TSHZ2: variants seen among roughly 807,000 people sequenced by gnomAD.
The protein encoded by TSHZ2 is teashirt zinc finger homeobox 2.
Under a neutral mutation model 74.4 loss-of-function variants are expected in TSHZ2, and 21 were observed. The observed-to-expected ratio is 0.28, with a 90% CI of 0.20 to 0.41. The LOEUF (loss-of-function observed/expected upper bound fraction) is 0.41. TSHZ2 is among the 10% of genes least tolerant of loss of function. TSHZ2 has a pLI of 1.00. For missense variants in TSHZ2, 1,244 were observed against 1,293.5 expected (o/e 0.96, Z 0.59); for synonymous variants, 540 against 515.3 (o/e 1.05, Z -0.65).
At chr20:53,156,855 A>AG (rs1293407278) in intron 1 of TSHZ2, among the ~76,000 whole-genome samples, 10 of 152,208 alleles carry the variant, frequency 6.6e-5, no homozygotes, top group African/African-American at 2.2e-4. Flanking sequence ...TTCTGTAGGT[A>AG]GGGGGAAATA....
At chr20:53,481,040 T>C (rs1239635759) in intron 2 of TSHZ2, among the ~76,000 whole-genome samples, 1 of 86,060 alleles carries the variant, frequency 1.2e-5, no homozygotes, top group Non-Finnish European at 2.3e-5. Flanking sequence ...GCTCAATATA[T>C]TAGAAAAAAA....
At chr20:53,032,197 A>G (rs934850956) in intron 1 of TSHZ2, among the ~76,000 whole-genome samples, 2 of 152,216 alleles carry the variant, frequency 1.3e-5, no homozygotes, top group African/African-American at 4.8e-5. Flanking sequence ...TCAGATCCAG[A>G]ACAACATTGC....
intron 1 of TSHZ2, among the ~76,000 whole-genome samples, chr20:53,225,624 A>G (rs1041657602): frequency 1.3e-5 from 2 of 152,230 alleles, no homozygotes; most frequent in African/African-American, 2.4e-5. Flanking sequence ...CAACTCCGCT[A>G]TGGCAACTAT....
At chr20:53,212,713 G>A (rs1010458609) in intron 1 of TSHZ2, among the ~76,000 whole-genome samples, 3 of 152,110 alleles carry the variant, frequency 2.0e-5, no homozygotes, top group African/African-American at 4.8e-5. Flanking sequence ...CCTCTGTGCC[G>A]GCTTCATTTA....
At chr20:53,051,453 G>GCGCACACACACA (rs1423362488) in intron 1 of TSHZ2, among the ~76,000 whole-genome samples, 4 of 103,064 alleles carry the variant, frequency 3.9e-5, no homozygotes, top group Non-Finnish European at 1.9e-5. Flanking sequence ...ACTCTGTGGC[G>GCGCACACACACA]CACGCACACA....
At chr20:53,138,690 G>A (rs569223308) in intron 1 of TSHZ2, among the ~76,000 whole-genome samples, 4 of 152,076 alleles carry the variant, frequency 2.6e-5, no homozygotes, top group East Asian at 3.9e-4. Flanking sequence ...GCCAAACTTT[G>A]AGAACCCTTC....
chr20:53,302,558 G>T (rs1474035806), intron 2 of TSHZ2, among the ~76,000 whole-genome samples: 1 of 152,162 alleles, frequency 6.6e-6, no homozygotes, highest in Admixed American at 6.5e-5. Context: ...GTGTGTGGGT[G>T]CTGGGTTCCC....
At chr20:53,365,289 GC>G (rs1397641343) in intron 2 of TSHZ2, among the ~76,000 whole-genome samples, 4 of 152,202 alleles carry the variant, frequency 2.6e-5, no homozygotes, top group Admixed American at 6.5e-5. Context: ...CTAGTCATAG[GC>G]TCTTGGCATG....
At chr20:53,062,587 C>A (rs965217138) in intron 1 of TSHZ2, among the ~76,000 whole-genome samples, 1 of 152,156 alleles carries the variant, frequency 6.6e-6, no homozygotes, top group Non-Finnish European at 1.5e-5. Context: ...TCTCCCTCAG[C>A]CTTCACAGAA....
chr20:53,406,796 C>T (rs6097399), intron 2 of TSHZ2, among the ~76,000 whole-genome samples: 1,741 of 152,114 alleles, frequency 0.011, 29 homozygotes, highest in African/African-American at 0.038. Context: ...TTGGGAAGAA[C>T]AGGGAAGGAG....
At chr20:52,983,855 G>A in intron 1 of TSHZ2, among the ~76,000 whole-genome samples, 1 of 152,150 alleles carries the variant, frequency 6.6e-6, no homozygotes, top group East Asian at 1.9e-4. Context: ...CTCCCTGCGC[G>A]CTCTCCAAGT....
intron 1 of TSHZ2, among the ~76,000 whole-genome samples, chr20:52,982,588 G>T (rs767098718): frequency 1.2e-4 from 19 of 152,148 alleles, no homozygotes; most frequent in Non-Finnish European, 2.5e-4. Context: ...ATTGTTCTAG[G>T]TGCTGTAAAA....
intron 2 of TSHZ2, among the ~76,000 whole-genome samples, chr20:53,277,959 C>T (rs949095244): frequency 6.6e-6 from 1 of 152,158 alleles, no homozygotes; most frequent in South Asian, 2.1e-4. Context: ...GATGCAGTAG[C>T]CACCTTCAGG....
chr20:53,278,557 T>C (rs1192608310), intron 2 of TSHZ2, among the ~76,000 whole-genome samples: 1 of 152,170 alleles, frequency 6.6e-6, no homozygotes, highest in African/African-American at 2.4e-5. Context: ...GTTTTCCCAG[T>C]ACAGAACTGC....
intron 2 of TSHZ2, among the ~76,000 whole-genome samples, chr20:53,275,660 G>C (rs1990930325): frequency 6.6e-6 from 1 of 152,182 alleles, no homozygotes; most frequent in African/African-American, 2.4e-5. Flanking sequence ...GGGCACGCTG[G>C]CTCATGCCTA....
intron 2 of TSHZ2, among the ~76,000 whole-genome samples, chr20:53,463,131 G>A (rs1031514263): frequency 2.0e-5 from 3 of 152,136 alleles, no homozygotes; most frequent in Admixed American, 6.6e-5. Flanking sequence ...CTTTGGCTCT[G>A]GATTGTACAT....
At chr20:53,014,195 CAGAGAG>C (rs10539599) in intron 1 of TSHZ2, among the ~76,000 whole-genome samples, 244 of 149,704 alleles carry the variant, frequency 1.6e-3, no homozygotes, top group Non-Finnish European at 1.8e-3. Context: ...CTTCATACGG[CAGAGAG>C]AGAGAGAGAG....
chr20:52,984,917 T>TA (rs1164924984), intron 1 of TSHZ2, among the ~76,000 whole-genome samples: 1 of 152,220 alleles, frequency 6.6e-6, no homozygotes, highest in Non-Finnish European at 1.5e-5. Context: ...TAGCCATGAA[T>TA]ATTTTCTCTA....
intron 2 of TSHZ2, among the ~76,000 whole-genome samples, chr20:53,321,925 G>A (rs1240217888): frequency 1.3e-5 from 2 of 152,094 alleles, no homozygotes. Context: ...TCTGGTGGAT[G>A]TGCCACAAGA....
Sources: allele counts gnomAD v4.1 joint callset (sites outside exome capture counted in the v4.1 genomes callset), GRCh38; gene constraint gnomAD v4.1.1; transcripts MANE v1.5; gene names NCBI Gene and HGNC (gene_info 2026-07-23, HGNC 2026-07-21).